The following SLCO6A1 variants were observed in gnomAD, a reference collection of about 807,000 sequenced individuals.
SLCO6A1 encodes solute carrier organic anion transporter family member 6A1, also known as cancer/testis antigen 48.
SLCO6A1 carries 65 observed loss-of-function variants against 72.7 expected under a neutral mutation model. The ratio of observed to expected loss-of-function variants is 0.89; its 90% CI spans 0.73 to 1.10. SLCO6A1 has a LOEUF of 1.10. Ranked by LOEUF, SLCO6A1 falls within the 50% of genes least tolerant of loss-of-function variation. The pLI, the probability that SLCO6A1 is intolerant of heterozygous loss-of-function variation, is 0.00. For synonymous variants in SLCO6A1, 314 were observed against 298.2 expected (o/e 1.05, Z -0.55); for missense variants, 874 against 872.6 (o/e 1.00, Z -0.02).
At chr5:102,420,135 C>A in intron 7 of SLCO6A1, 114 bp from the exon 8 acceptor site, 1 of 901,384 alleles carries the variant, frequency 1.1e-6, no homozygotes, top group Non-Finnish European at 1.6e-6. Context: ...TGTATTTAAA[C>A]TAAAAGACAG....
intron 8 of SLCO6A1, among the ~76,000 whole-genome samples, 165 bp downstream of exon 8, chr5:102,419,661 C>T (rs562637001): frequency 0.023 from 3,559 of 152,136 alleles, 138 homozygotes; most frequent in African/African-American, 0.081. Context: ...AATATTTGTG[C>T]CTTACTATGA....
chr5:102,449,361 A>T (rs1375011414), intron 6 of SLCO6A1, among the ~76,000 whole-genome samples: 4 of 150,118 alleles, frequency 2.7e-5, no homozygotes, highest in Non-Finnish European at 5.9e-5. Context: ...CATCTTGTAT[A>T]ATATCTCACA....
In SLCO6A1 at chr5:102,478,008, A is replaced by G. The variant is rs1316551557; in HGVS notation, c.617-147T>C. 1.2e-5 allele frequency: 9 copies of G among 755,986 alleles called. No homozygotes were observed. The African/African-American group carries it at 1.6e-4, about 13-fold the overall frequency. 46.8% of individuals were successfully genotyped at this position (755,986 alleles called of 1,614,324 possible). On this transcript the variant is annotated intron_variant, in intron 2 of 13. Transcript: ENST00000506729. ...ACATTTCATTTACATTGAATGTAGT[A>G]GTACTGCAATCAATCATCATGTTCT...
chr5:102,392,542 T>C (rs1746823862), intron 10 of SLCO6A1, among the ~76,000 whole-genome samples: 1 of 152,064 alleles, frequency 6.6e-6, no homozygotes, highest in African/African-American at 2.4e-5. Context: ...GTATCTTCAG[T>C]TTGATTGCCA....
chr5:102,387,055 G>A (rs554118050), intron 12 of SLCO6A1, among the ~76,000 whole-genome samples: 1 of 152,092 alleles, frequency 6.6e-6, no homozygotes, highest in African/African-American at 2.4e-5. Context: ...TCTCCTGAAG[G>A]TATTTTCACA....
At position 102,458,499 on chromosome 5, in the gene SLCO6A1, T is replaced by C. The variant is rs775238890; in HGVS notation, c.1022-8A>G. 1.3e-5 allele frequency: 21 copies of C among 1,589,036 alleles called. No individual in the cohort carries two copies. The highest frequency in any genetic ancestry group is 1.5e-5 in the Non-Finnish European group (18 of 1,166,068). ...CTTTTATCCGTGTTGAACCTATATA[T>C]AAACAAGTAAAAAAACTTATGACAT... On this transcript the variant is annotated splice_polypyrimidine_tract_variant and splice_region_variant and intron_variant, in intron 5 of 13. Coordinates refer to ENST00000506729, the MANE Select transcript of SLCO6A1 (RefSeq NM_173488.5).
At chr5:102,409,916 TCAAA>T (rs895326066) in intron 9 of SLCO6A1, among the ~76,000 whole-genome samples, 27 of 151,970 alleles carry the variant, frequency 1.8e-4, no homozygotes, top group African/African-American at 6.5e-4. Context: ...AACATCAAGG[TCAAA>T]CAGTTTTACT....
At chr5:102,395,593 C>T (rs1284431554) in intron 10 of SLCO6A1, among the ~76,000 whole-genome samples, 2 of 152,070 alleles carry the variant, frequency 1.3e-5, no homozygotes, top group Non-Finnish European at 2.9e-5. Flanking sequence ...ATTTCTAGTT[C>T]TAGATCCCTA....
intron 9 of SLCO6A1, among the ~76,000 whole-genome samples, chr5:102,409,166 A>AT (rs1236164361): frequency 6.6e-6 from 1 of 152,158 alleles, no homozygotes; most frequent in Non-Finnish European, 1.5e-5. Context: ...GCCCAGGAAT[A>AT]TTATCAATAT....
chr5:102,382,011 T>C (rs1035215056), intron 12 of SLCO6A1, among the ~76,000 whole-genome samples: 2 of 151,738 alleles, frequency 1.3e-5, no homozygotes, highest in African/African-American at 4.8e-5. Flanking sequence ...TCTTATTCCA[T>C]AGGTTATCTC....
At chr5:102,483,323 G>A (rs559771872) in intron 1 of SLCO6A1, among the ~76,000 whole-genome samples, 4 of 149,732 alleles carry the variant, frequency 2.7e-5, no homozygotes, top group South Asian at 2.1e-4. Context: ...TTCTTTCCAC[G>A]GGGAGAATTT....
chr5:102,419,890 C>T lies in SLCO6A1; in HGVS notation c.1408G>A (p.Val470Met). The change falls in exon 8 of 14, where the codon GTG becomes ATG. Residue 470 changes from valine (V) to methionine (M), a missense_variant. Transcript: ENST00000506729. ...VTSVISLILL[V>M]FIIFVRCNPV... is the part of the protein sequence containing the mutation. Reference sequence around the variant, plus strand: ...TTACAGCGTACAAAAATAATAAACACAAGCAGTATAAGTGATATCACAGAT... The same window carrying T: ...TTACAGCGTACAAAAATAATAAACATAAGCAGTATAAGTGATATCACAGAT... 3.1e-6 allele frequency: 5 copies of T among 1,606,678 alleles called. No individual in the cohort carries two copies. The highest frequency in any genetic ancestry group is 4.2e-6 in the Non-Finnish European group (5 of 1,177,666).
At chr5:102,418,272 T>C (rs1375625877) in intron 8 of SLCO6A1, among the ~76,000 whole-genome samples, 1 of 152,092 alleles carries the variant, frequency 6.6e-6, no homozygotes, top group African/African-American at 2.4e-5. Context: ...CTTTATATCA[T>C]TTATTTTGAA....
rs1302180380 is a variant in SLCO6A1, at chr5:102,451,735, T to C, written c.1131+6647A>G. On this transcript the variant is annotated intron_variant, in intron 6 of 13. Transcript: ENST00000506729. Reference sequence around the variant, plus strand: ...AACTGTCCTGTCTCAGTCTTCCCTCTTCTCCATGGGTCATGTTGCTTCCTT... The same window carrying C: ...AACTGTCCTGTCTCAGTCTTCCCTCCTCTCCATGGGTCATGTTGCTTCCTT... 3.3e-4 allele frequency among the ~76,000 whole-genome samples: 50 copies of C among 152,184 alleles called. 1 individual carries two copies. The highest frequency in any genetic ancestry group is 2.7e-3 in the Admixed American group (41 of 15,280).
In SLCO6A1 at chr5:102,389,168, G is replaced by T. The variant is rs116596832; in HGVS notation, c.1880-343C>A. On this transcript the variant is annotated intron_variant, in intron 11 of 13. Coordinates refer to ENST00000506729, the MANE Select transcript of SLCO6A1 (RefSeq NM_173488.5). The stretch of plus-strand genomic sequence containing the variant: ...AACAGAGATACCAAATACTGATTCT[G>T]TGAAGTTAGTATGTCTTCAAATATC... Among the ~76,000 whole-genome samples, 1,239 of 152,268 alleles carry T rather than the reference G, an allele frequency of 8.1e-3. 12 individuals are homozygous for T. Among genetic ancestry groups the T allele is most frequent in the Non-Finnish European group, 0.015 (1,008 of 68,026 alleles).
intron 9 of SLCO6A1, among the ~76,000 whole-genome samples, chr5:102,409,810 A>G (rs1423587033): frequency 6.6e-6 from 1 of 152,194 alleles, no homozygotes; most frequent in Non-Finnish European, 1.5e-5. Context: ...GAAATAAATA[A>G]AGTCTCTAAA....
At chr5:102,466,087 G>A (rs1751295596) in intron 4 of SLCO6A1, among the ~76,000 whole-genome samples, 1 of 152,032 alleles carries the variant, frequency 6.6e-6, no homozygotes, top group Admixed American at 6.6e-5. Flanking sequence ...ATAAGTAAAT[G>A]TGTGTCAGGG....
chr5:102,391,583 T>C (rs949289938), intron 10 of SLCO6A1, among the ~76,000 whole-genome samples: 1 of 152,108 alleles, frequency 6.6e-6, no homozygotes, highest in African/African-American at 2.4e-5. Context: ...TTACCCAGGG[T>C]GACAGTGTTC....
At chr5:102,394,094 C>T (rs1746925480) in intron 10 of SLCO6A1, among the ~76,000 whole-genome samples, 1 of 152,046 alleles carries the variant, frequency 6.6e-6, no homozygotes, top group African/African-American at 2.4e-5. Flanking sequence ...TTTTAGATGC[C>T]CAGTTCACCT....
Sources: allele counts gnomAD v4.1 joint callset (sites outside exome capture counted in the v4.1 genomes callset), GRCh38; gene constraint gnomAD v4.1.1; transcripts MANE v1.5; gene names NCBI Gene and HGNC (gene_info 2026-07-23, HGNC 2026-07-21).